SORCS1: variants seen among roughly 807,000 people sequenced by gnomAD.
SORCS1 encodes sortilin related VPS10 domain containing receptor 1.
SORCS1 carries 60 observed loss-of-function variants against 146.1 expected under a neutral mutation model. The observed-to-expected ratio is 0.41, with a 90% CI of 0.33 to 0.51. The LOEUF (loss-of-function observed/expected upper bound fraction) is 0.51, where lower values mean the gene tolerates loss of function less well. Ranked by LOEUF, SORCS1 falls within the 20% of genes least tolerant of loss-of-function variation. SORCS1 has a pLI of 0.21. For missense variants in SORCS1, 1,352 were observed against 1,487.6 expected (o/e 0.91, Z 1.50); for synonymous variants, 637 against 584.0 (o/e 1.09, Z -1.31).
At chr10:106,821,659 T>C (rs1948030643) in intron 3 of SORCS1, among the ~76,000 whole-genome samples, 1 of 152,270 alleles carries the variant, frequency 6.6e-6, no homozygotes. Flanking sequence ...TGGTGGCTCA[T>C]GCCTGTAATC....
intron 18 of SORCS1, among the ~76,000 whole-genome samples, chr10:106,643,392 G>A (rs893317105): frequency 2.0e-5 from 3 of 152,152 alleles, no homozygotes; most frequent in African/African-American, 4.8e-5. Flanking sequence ...TGCCAATCAC[G>A]TGCACCTCCC....
chr10:106,684,436 T>C (rs1336891279), intron 10 of SORCS1, among the ~76,000 whole-genome samples: 1 of 152,152 alleles, frequency 6.6e-6, no homozygotes, highest in Non-Finnish European at 1.5e-5. Flanking sequence ...CAAGGATTTG[T>C]CACAGGCTCA....
At chr10:106,703,583 A>AT (rs1214479658) in intron 8 of SORCS1, among the ~76,000 whole-genome samples, 4 of 152,254 alleles carry the variant, frequency 2.6e-5, no homozygotes, top group South Asian at 2.1e-4. Context: ...ATTAGTAAAT[A>AT]TTTTTTTGAG....
intron 9 of SORCS1, among the ~76,000 whole-genome samples, chr10:106,697,506 C>T (rs899806487): frequency 6.6e-6 from 1 of 151,938 alleles, no homozygotes; most frequent in African/African-American, 2.4e-5. Flanking sequence ...TAAAGAATGT[C>T]ACGTGGCTGC....
intron 1 of SORCS1, among the ~76,000 whole-genome samples, chr10:107,058,631 T>C (rs978810997): frequency 1.3e-5 from 2 of 152,168 alleles, no homozygotes. Context: ...AGCAAGTTAC[T>C]CACCACTTTT....
At chr10:107,124,274 T>C (rs1966576451) in intron 1 of SORCS1, among the ~76,000 whole-genome samples, 1 of 152,106 alleles carries the variant, frequency 6.6e-6, no homozygotes, top group Non-Finnish European at 1.5e-5. Flanking sequence ...GGCCTCCAAG[T>C]TCATGACTCG....
intron 1 of SORCS1, among the ~76,000 whole-genome samples, chr10:107,080,509 G>T (rs564616514): frequency 6.6e-6 from 1 of 152,088 alleles, no homozygotes; most frequent in Admixed American, 6.5e-5. Context: ...TCCCTGAGTC[G>T]CGTGTGGTCT....
intron 2 of SORCS1, among the ~76,000 whole-genome samples, chr10:106,849,780 C>T (rs1203152863): frequency 3.3e-5 from 5 of 151,500 alleles, no homozygotes; most frequent in Non-Finnish European, 1.5e-5. Context: ...GATGTCCTTT[C>T]TGTTTGTTAG....
intron 1 of SORCS1, among the ~76,000 whole-genome samples, chr10:107,077,719 T>C (rs1051286419): frequency 6.6e-5 from 10 of 151,816 alleles, no homozygotes; most frequent in African/African-American, 2.4e-4. Context: ...CAGAAGCAGT[T>C]CTCAACACTG....
At chr10:106,872,922 C>A (rs143506921) in intron 2 of SORCS1, among the ~76,000 whole-genome samples, 1 of 152,158 alleles carries the variant, frequency 6.6e-6, no homozygotes, top group East Asian at 1.9e-4. Context: ...CACGTGTAAT[C>A]CCAGCACTTT....
At chr10:107,177,253 C>T in the SORCS1 span, among the ~76,000 whole-genome samples, 3 of 152,024 alleles carry the variant, frequency 2.0e-5, no homozygotes, top group African/African-American at 7.2e-5. Flanking sequence ...GCCTGTCATT[C>T]TTTGTCTTTC....
At chr10:106,978,312 T>C (rs764874615) in intron 1 of SORCS1, among the ~76,000 whole-genome samples, 3 of 152,130 alleles carry the variant, frequency 2.0e-5, no homozygotes, top group African/African-American at 4.8e-5. Flanking sequence ...ACTGAAAAGA[T>C]AGAGGATGGC....
chr10:106,706,473 G>A, intron 8 of SORCS1, 72 bp downstream of exon 8: 2 of 1,436,112 alleles, frequency 1.4e-6, no homozygotes, highest in Non-Finnish European at 2.0e-6. Flanking sequence ...AAGAGTCCTT[G>A]GGAAAGGGAT....
chr10:106,597,321 C>G (rs759717630), intron 24 of SORCS1, 30 bp downstream of exon 24: 2 of 1,593,914 alleles, frequency 1.3e-6, no homozygotes, highest in South Asian at 1.1e-5. Context: ...CCAGAGCCAC[C>G]AGCCAGAACC....
chr10:106,806,748 C>T (rs992181140), intron 3 of SORCS1, among the ~76,000 whole-genome samples: 1 of 151,872 alleles, frequency 6.6e-6, no homozygotes, highest in Non-Finnish European at 1.5e-5. Flanking sequence ...ACCTCCTGAC[C>T]TCGTGATCAG....
intron 2 of SORCS1, among the ~76,000 whole-genome samples, chr10:106,860,934 G>C (rs771418593): frequency 6.6e-6 from 1 of 152,238 alleles, no homozygotes; most frequent in East Asian, 1.9e-4. Flanking sequence ...CTTCCCCCCA[G>C]TTGTGAATGC....
chr10:106,937,990 A>G (rs982802872), intron 2 of SORCS1, among the ~76,000 whole-genome samples: 5 of 145,540 alleles, frequency 3.4e-5, no homozygotes, highest in African/African-American at 1.3e-4. Context: ...AAAAAAAAAA[A>G]GAAAGAAAGG....
intron 1 of SORCS1, among the ~76,000 whole-genome samples, chr10:106,986,622 A>G (rs1355091489): frequency 3.3e-5 from 5 of 151,538 alleles, no homozygotes; most frequent in African/African-American, 1.2e-4. Flanking sequence ...CAGATTGTAA[A>G]TTGCTTGATA....
At chr10:106,692,083 C>T (rs1853337824) in intron 9 of SORCS1, among the ~76,000 whole-genome samples, 2 of 152,134 alleles carry the variant, frequency 1.3e-5, no homozygotes, top group African/African-American at 4.8e-5. Context: ...TCTCTGGCAC[C>T]TAAGCTGGAG....
Sources: gnomAD v4.1 joint callset for allele counts (sites outside exome capture counted in the v4.1 genomes callset) on GRCh38, gnomAD v4.1.1 for gene constraint, MANE v1.5 for transcripts, NCBI Gene and HGNC (gene_info 2026-07-23, HGNC 2026-07-21) for gene names.